Variants in TMEM163 observed in about 807,000 individuals in gnomAD.
The protein encoded by TMEM163 is transmembrane protein 163.
Under a neutral mutation model 29.3 loss-of-function variants are expected in TMEM163, and 17 were observed. The observed-to-expected ratio is 0.58, with a 90% confidence interval of 0.40 to 0.87. The LOEUF (loss-of-function observed/expected upper bound fraction) is 0.87. Among genes scored for constraint, TMEM163 ranks in the 40% least tolerant of loss-of-function variants. The pLI, the probability that TMEM163 is intolerant of heterozygous loss-of-function variation, is 0.00. For missense variants in TMEM163, 303 were observed against 381.5 expected (o/e 0.79, Z 1.71); for synonymous variants, 157 against 160.6 (o/e 0.98, Z 0.17).
intron 2 of TMEM163, among the ~76,000 whole-genome samples, chr2:134,688,791 G>A (rs560804813): frequency 2.0e-5 from 3 of 151,958 alleles, no homozygotes; most frequent in East Asian, 3.9e-4. Flanking sequence ...CAGACACACC[G>A]CCCCACTCCC....
intron 5 of TMEM163, among the ~76,000 whole-genome samples, chr2:134,488,898 G>C (rs1679370892): frequency 6.6e-6 from 1 of 152,060 alleles, no homozygotes; most frequent in South Asian, 2.1e-4. Flanking sequence ...AATAACCAGG[G>C]GAGAGCAAAT....
intron 4 of TMEM163, among the ~76,000 whole-genome samples, chr2:134,542,217 T>TAGAAGGAA (rs537289642): frequency 6.6e-6 from 1 of 152,212 alleles, no homozygotes; most frequent in African/African-American, 2.4e-5. Flanking sequence ...ATTTTAGGGA[T>TAGAAGGAA]AGAAAGTAAG....
chr2:134,613,268 GACA>G (rs1227046433), intron 2 of TMEM163, among the ~76,000 whole-genome samples: 3 of 152,122 alleles, frequency 2.0e-5, no homozygotes, highest in Non-Finnish European at 4.4e-5. Flanking sequence ...AGACTTGTGA[GACA>G]ACATCAAGTA....
At chr2:134,634,749 A>G (rs1683066386) in intron 2 of TMEM163, among the ~76,000 whole-genome samples, 1 of 152,240 alleles carries the variant, frequency 6.6e-6, no homozygotes, top group South Asian at 2.1e-4. Context: ...AACTACTCAA[A>G]TCTACCCTTG....
At position 134,633,953 on chromosome 2, in the gene TMEM163, C is replaced by CA. The variant is rs1381510445; in HGVS notation, c.322+79246dup. On this transcript the variant is annotated intron_variant, in intron 2 of 7. Transcript: ENST00000281924. ...CTGGGCCACAATAGTGAAACTGTCT[C>CA]AAAAAAAAAATACATATATATATAT... Among the ~76,000 whole-genome samples, 243 of 97,320 alleles carry CA rather than the reference C, an allele frequency of 2.5e-3. 4 individuals carry two copies. Among genetic ancestry groups the CA allele is most frequent in the African/African-American group, 7.8e-3 (213 of 27,304 alleles). The allele number at this position is 97,320 out of a possible 152,430, so 63.8% of individuals were successfully genotyped here.
At chr2:134,691,306 C>T (rs1219303479) in intron 2 of TMEM163, among the ~76,000 whole-genome samples, 2 of 152,274 alleles carry the variant, frequency 1.3e-5, no homozygotes, top group East Asian at 3.9e-4. Context: ...CAAGTAGACC[C>T]GTGTCCCTGG....
Position 134,510,138 on chromosome 2 carries a change from C to T in TMEM163, c.459-7141G>A, listed in dbSNP as rs980077484. Among the ~76,000 whole-genome samples, 3 of 152,100 alleles carry T rather than the reference C, an allele frequency of 2.0e-5. 1 individual carries two copies. In the South Asian group the frequency reaches 6.2e-4, roughly 32 times the overall value. On this transcript the variant is annotated intron_variant, in intron 4 of 7. Coordinates refer to ENST00000281924, the MANE Select transcript of TMEM163 (RefSeq NM_030923.5). ...TAACGGATCTTAGACGGCATACAGA[C>T]CAAAACCTGTTGTATTTAATAGTTA...
chr2:134,656,621 G>C (rs973254095), intron 2 of TMEM163, among the ~76,000 whole-genome samples: 7 of 152,190 alleles, frequency 4.6e-5, no homozygotes, highest in African/African-American at 1.2e-4. Flanking sequence ...CAAGGTCATC[G>C]AATGCTATGT....
intron 1 of TMEM163, among the ~76,000 whole-genome samples, chr2:134,716,402 C>T (rs1348496698): frequency 6.6e-6 from 1 of 152,168 alleles, no homozygotes; most frequent in African/African-American, 2.4e-5. Context: ...CAAATGCCTC[C>T]AAAGTCTCAA....
intron 2 of TMEM163, among the ~76,000 whole-genome samples, chr2:134,596,028 G>C (rs573615643): frequency 8.8e-4 from 134 of 152,310 alleles, no homozygotes; most frequent in African/African-American, 3.0e-3. Flanking sequence ...TGTCAGATAA[G>C]TAGATTGCAA....
At chr2:134,581,823 CA>C (rs1681700045) in intron 2 of TMEM163, among the ~76,000 whole-genome samples, 1 of 152,186 alleles carries the variant, frequency 6.6e-6, no homozygotes, top group South Asian at 2.1e-4. Context: ...CAAGAAGCAG[CA>C]GAACCAAAAA....
chr2:134,717,003 C>T (rs1162336266), intron 1 of TMEM163, among the ~76,000 whole-genome samples: 2 of 152,172 alleles, frequency 1.3e-5, no homozygotes, highest in African/African-American at 4.8e-5. Flanking sequence ...TGCTTTCATG[C>T]TATCATATAA....
chr2:134,535,920 G>A (rs1006597524), intron 4 of TMEM163, among the ~76,000 whole-genome samples: 2 of 151,890 alleles, frequency 1.3e-5, no homozygotes, highest in African/African-American at 2.4e-5. Context: ...ACAGGGTTTC[G>A]CCATGTTGGC....
intron 2 of TMEM163, among the ~76,000 whole-genome samples, chr2:134,605,643 G>A (rs951556151): frequency 1.3e-5 from 2 of 151,564 alleles, no homozygotes; most frequent in Admixed American, 1.3e-4. Flanking sequence ...CTGAGATCGC[G>A]CCATTGCACT....
chr2:134,648,305 C>CTCTTCTCTTCTCTTCTCTTT (rs1336055704), intron 2 of TMEM163, among the ~76,000 whole-genome samples: 2 of 11,834 alleles, frequency 1.7e-4, no homozygotes, highest in Non-Finnish European at 3.5e-4. Context: ...ACTGCTTCTC[C>CTCTTCTCTTCTCTTCTCTTT]TCTTCTCTTC....
Position 134,500,110 on chromosome 2 carries a change from G to A in TMEM163, c.555+2791C>T, listed in dbSNP as rs533431003. On this transcript the variant is annotated intron_variant, in intron 5 of 7. Transcript: ENST00000281924. ...ACATTCCAGCATGATATCTCCAGAG[G>A]AGGCCAGGCCCTTCATCCAAGTGCG... Among the ~76,000 whole-genome samples, 11 of 152,300 alleles carry A rather than the reference G, an allele frequency of 7.2e-5. No individual in the cohort carries two copies. In the East Asian group the frequency reaches 1.7e-3, roughly 24 times the overall value.
intron 4 of TMEM163, among the ~76,000 whole-genome samples, chr2:134,516,368 C>A (rs988149413): frequency 1.1e-4 from 17 of 152,050 alleles, no homozygotes; most frequent in African/African-American, 4.1e-4. Flanking sequence ...TGAGACTAGC[C>A]TGGCCAACAT....
chr2:134,507,811 C>A (rs963678923), intron 4 of TMEM163, among the ~76,000 whole-genome samples: 1 of 152,066 alleles, frequency 6.6e-6, no homozygotes, highest in African/African-American at 2.4e-5. Context: ...GAGCCATGAT[C>A]GTGCCACTGC....
intron 2 of TMEM163, among the ~76,000 whole-genome samples, chr2:134,556,470 G>A (rs889586736): frequency 2.0e-4 from 30 of 152,312 alleles, no homozygotes; most frequent in African/African-American, 7.2e-4. Context: ...TGATGATTGA[G>A]GTATGATTTA....
Sources: gnomAD v4.1 joint callset for allele counts (sites outside exome capture counted in the v4.1 genomes callset) on GRCh38, gnomAD v4.1.1 for gene constraint, MANE v1.5 for transcripts, NCBI Gene and HGNC (gene_info 2026-07-23, HGNC 2026-07-21) for gene names.